The following SMAD9 variants were observed in gnomAD, a reference collection of about 807,000 sequenced individuals.
SMAD9 encodes MAD homolog 9.
A neutral mutation model predicts 46.1 loss-of-function variants in SMAD9; 36 were observed. The ratio of observed to expected loss-of-function variants is 0.78; its 90% CI spans 0.60 to 1.03. The LOEUF is 1.03. Ranked by LOEUF, SMAD9 falls within the 50% of genes least tolerant of loss-of-function variation. The pLI is 0.00. For missense variants in SMAD9, 572 were observed against 599.8 expected (o/e 0.95, Z 0.48); for synonymous variants, 245 against 237.1 (o/e 1.03, Z -0.31).
intron 5 of SMAD9, among the ~76,000 whole-genome samples, chr13:36,856,928 G>A (rs545899964): frequency 1.3e-5 from 2 of 150,592 alleles, no homozygotes; most frequent in African/African-American, 2.4e-5. Context: ...TCAGCCTCCC[G>A]AGTAGCTGGG....
intron 1 of SMAD9, among the ~76,000 whole-genome samples, chr13:36,916,786 C>T (rs773536304): frequency 1.3e-5 from 2 of 151,250 alleles, no homozygotes; most frequent in Non-Finnish European, 2.9e-5. Context: ...TACCTGGGAC[C>T]AGGGTCATCA....
chr13:36,871,487 C>T (rs1183035601), intron 3 of SMAD9, among the ~76,000 whole-genome samples: 2 of 151,724 alleles, frequency 1.3e-5, no homozygotes, highest in African/African-American at 4.9e-5. Context: ...CACTGCACTC[C>T]AACCTGGGTG....
chr13:36,887,734 A>T (rs1251108226), intron 1 of SMAD9, among the ~76,000 whole-genome samples: 1 of 152,114 alleles, frequency 6.6e-6, no homozygotes, highest in African/African-American at 2.4e-5. Context: ...GATTATCCAT[A>T]AAAAGGAGAG....
intron 1 of SMAD9, among the ~76,000 whole-genome samples, chr13:36,909,287 C>T (rs995222277): frequency 6.6e-6 from 1 of 152,044 alleles, no homozygotes; most frequent in African/African-American, 2.4e-5. Flanking sequence ...AAGGTCATGC[C>T]CAATAGTTTG....
chr13:36,870,625 C>A (rs189489759), intron 3 of SMAD9, among the ~76,000 whole-genome samples: 1 of 152,224 alleles, frequency 6.6e-6, no homozygotes, highest in South Asian at 2.1e-4. Flanking sequence ...GTAGTCCCCC[C>A]TTCTCCACCA....
chr13:36,872,676 T>A lies in SMAD9; in HGVS notation c.652A>T (p.Ser218Cys). The A allele has an allele frequency of 6.2e-7, 1 of 1,614,012 alleles. No individual in the cohort carries two copies. Among genetic ancestry groups the A allele is most frequent in the Non-Finnish European group, 8.5e-7 (1 of 1,179,994 alleles). The part of the protein sequence containing the change: ...HSPGSPSEPE[S>C]PYQHSVDTPP... ...TACTGACCTGAGTGTTGATAGGGAC[T>A]CTCTGGCTCAGAAGGACTTCCTGGG... The change falls in exon 3 of 7, where the codon AGT becomes TGT. Residue 218 changes from serine (S) to cysteine (C), a missense_variant. Coordinates refer to ENST00000379826, the MANE Select transcript of SMAD9 (RefSeq NM_001127217.3).
At chr13:36,906,089 T>C (rs2058618145) in intron 1 of SMAD9, among the ~76,000 whole-genome samples, 1 of 152,154 alleles carries the variant, frequency 6.6e-6, no homozygotes, top group Non-Finnish European at 1.5e-5. Flanking sequence ...CTAATTTTTC[T>C]TCACTGATCA....
rs367602663 is a variant in SMAD9 at position 36,865,678 on chromosome 13, T to A, written c.862A>T (p.Thr288Ser). 11 of 1,613,942 alleles carry A rather than the reference T, an allele frequency of 6.8e-6. No individual in the cohort carries two copies. In the African/African-American group the frequency reaches 1.3e-4, roughly 20 times the overall value. ...YYELNNRVGETFQASSRSVLI... is the reference protein window; with the variant it reads ...YYELNNRVGESFQASSRSVLI... Reference sequence around the variant, plus strand: ...ACACTTCGGGAGGAAGCCTGGAATGTCTCCCCAACTCGGTTGTTCAGTTCA... The same window carrying A: ...ACACTTCGGGAGGAAGCCTGGAATGACTCCCCAACTCGGTTGTTCAGTTCA... The change falls in exon 5 of 7, where the codon ACA becomes TCA. Residue 288 changes from threonine to serine, a missense_variant. Physicochemically the swap from Thr to Ser is moderately conservative, Grantham distance 58. Transcript: ENST00000379826.
At position 36,848,635 on chromosome 13, in the gene SMAD9, A is replaced by G. The variant is rs754037258; in HGVS notation, c.*41T>C. 47 of 1,601,906 alleles carry G rather than the reference A, an allele frequency of 2.9e-5. No homozygotes were observed. The highest frequency in any genetic ancestry group is 4.0e-5 in the Non-Finnish European group (47 of 1,168,932). On this transcript the variant is annotated 3_prime_UTR_variant, in exon 7 of 7. Transcript: ENST00000379826. Reference sequence around the variant, plus strand: ...GAAATGATACAAGCCACTCCCTGCAATAGCCTCTATCCTATGGAAATGCAG... The same window carrying G: ...GAAATGATACAAGCCACTCCCTGCAGTAGCCTCTATCCTATGGAAATGCAG...
intron 1 of SMAD9, among the ~76,000 whole-genome samples, chr13:36,888,009 T>TCTGCC (rs1156396718): frequency 7.9e-5 from 12 of 152,160 alleles, no homozygotes; most frequent in Non-Finnish European, 1.5e-4. Flanking sequence ...CAGGGGCCCG[T>TCTGCC]CTGCCAGAAG....
intron 1 of SMAD9, among the ~76,000 whole-genome samples, chr13:36,918,129 G>C (rs2058712751): frequency 6.6e-6 from 1 of 152,102 alleles, no homozygotes; most frequent in Non-Finnish European, 1.5e-5. Context: ...AATATTTTCT[G>C]ATTACTTACT....
chr13:36,916,920 G>A (rs1363424916), intron 1 of SMAD9, among the ~76,000 whole-genome samples: 1 of 151,492 alleles, frequency 6.6e-6, no homozygotes. Context: ...GCACAGGAGA[G>A]GAAAGCCAGG....
At chr13:36,851,479 A>G (rs1028064881) in intron 6 of SMAD9, among the ~76,000 whole-genome samples, 2 of 151,544 alleles carry the variant, frequency 1.3e-5, no homozygotes, top group Admixed American at 1.3e-4. Flanking sequence ...TTCTCTTTCC[A>G]TCCTTCTTCT....
chr13:36,861,473 C>T (rs1217960044), intron 5 of SMAD9, among the ~76,000 whole-genome samples: 1 of 151,498 alleles, frequency 6.6e-6, no homozygotes, highest in Non-Finnish European at 1.5e-5. Flanking sequence ...CGCCACCACA[C>T]CCGGCTAATT....
intron 5 of SMAD9, among the ~76,000 whole-genome samples, chr13:36,860,653 G>C (rs917522061): frequency 6.6e-6 from 1 of 151,362 alleles, no homozygotes; most frequent in African/African-American, 2.4e-5. Flanking sequence ...CGGGGTTTCA[G>C]TGTGTTAGCC....
chr13:36,865,337 T>C (rs925486379), intron 5 of SMAD9, among the ~76,000 whole-genome samples, 200 bp downstream of exon 5: 1 of 152,124 alleles, frequency 6.6e-6, no homozygotes, highest in East Asian at 1.9e-4. Context: ...ATGATGACAT[T>C]AGAGGAAGAG....
Position 36,920,149 on chromosome 13 carries a change from CCGG to C in SMAD9, c.-223_-221del, listed in dbSNP as rs558197103. ...TGCGCGCGCCCAGCGCCTGCAGGGC[CCGG>C]CGGCGGCGGCGGGGACCGAGACAGC... is the stretch of plus-strand genomic sequence containing the variant. On this transcript the variant is annotated 5_prime_UTR_variant, in exon 1 of 7. Transcript: ENST00000379826. 90 of 154,050 alleles carry C rather than the reference CCGG, an allele frequency of 5.8e-4. No homozygotes were observed. In the Middle Eastern group the frequency reaches 9.6e-3, roughly 16 times the overall value. The allele number at this position is 154,050 out of a possible 1,614,324, so 9.5% of individuals were successfully genotyped here.
intron 2 of SMAD9, 129 bp from the exon 3 acceptor site, chr13:36,873,044 C>A: frequency 9.8e-7 from 1 of 1,017,206 alleles, no homozygotes; most frequent in South Asian, 1.4e-5. Flanking sequence ...GGAACTACTC[C>A]CATTAGTCTT....
In SMAD9 at chr13:36,863,984, C is replaced by G. The variant is rs150831624; in HGVS notation, c.1003+1553G>C. The stretch of plus-strand genomic sequence containing the variant: ...AGGTTCCTAGAACACATTCAGCACT[C>G]CTTTAATACTTTAATCCTGTCTTTG... On this transcript the variant is annotated intron_variant, in intron 5 of 6. Transcript: ENST00000379826. Among the ~76,000 whole-genome samples, 657 of 152,316 alleles carry G rather than the reference C, an allele frequency of 4.3e-3. 6 individuals carry two copies. Among genetic ancestry groups the G allele is most frequent in the African/African-American group, 0.015 (620 of 41,582 alleles).
Sources: allele counts gnomAD v4.1 joint callset (sites outside exome capture counted in the v4.1 genomes callset), GRCh38; gene constraint gnomAD v4.1.1; transcripts MANE v1.5; gene names NCBI Gene and HGNC (gene_info 2026-07-23, HGNC 2026-07-21).